Variants in TACC3 observed in about 807,000 individuals in gnomAD.
The protein encoded by TACC3 is transforming acidic coiled-coil-containing protein 3.
TACC3 carries 52 observed loss-of-function variants against 86.0 expected under a neutral mutation model. That is an observed-to-expected ratio of 0.60 (90% CI 0.48 to 0.76). TACC3 has a LOEUF of 0.76. TACC3 is among the 30% of genes least tolerant of loss of function. The pLI is 0.00. For missense variants in TACC3, 1,120 were observed against 1,070.4 expected (o/e 1.05, Z -0.65); for synonymous variants, 512 against 430.0 (o/e 1.19, Z -2.36).
rs140355817 is a variant in TACC3, at chr4:1,737,273, G to A, written c.1781G>A (p.Arg594His). 3.2e-5 allele frequency: 51 copies of A among 1,614,146 alleles called. No individual in the cohort carries two copies. In the East Asian group the frequency reaches 4.9e-4, roughly 16 times the overall value. ...GGTGCAAATGAGACTCCCTCAGGAC[G>A]TCCGCGGGAAGCCAAGCTTGTGGAG... ...MHGANETPSG[R>H]PREAKLVEFD... The change falls in exon 9 of 16, where the codon CGT becomes CAT. Residue 594 changes from arginine to histidine, a missense_variant. Physicochemically the swap from Arg to His is conservative, Grantham distance 29. Coordinates refer to ENST00000313288, the MANE Select transcript of TACC3 (RefSeq NM_006342.3).
chr4:1,739,577 A>C lies in TACC3; in HGVS notation c.1942-125A>C, dbSNP rs528241847. The C allele has an allele frequency of 1.5e-4, 135 of 880,296 alleles. No homozygotes were observed. The African/African-American group carries it at 1.8e-3, about 12-fold the overall frequency. 54.5% of individuals were successfully genotyped at this position (880,296 alleles called of 1,614,324 possible). A position where few individuals can be genotyped will look rare whatever the true frequency, so the allele number is the denominator to read the frequency against. On this transcript the variant is annotated intron_variant, in intron 10 of 15. Coordinates refer to ENST00000313288, the MANE Select transcript of TACC3 (RefSeq NM_006342.3). ...CCCAGGGTCCCACTGGAAGCCCCAC[A>C]TGGAACTGTGCCTCTGGGACATTGC...
At chr4:1,721,703 GC>G (rs1412322093) in intron 1 of TACC3, 60 bp downstream of exon 1, 4 of 149,818 alleles carry the variant, frequency 2.7e-5, no homozygotes, top group Non-Finnish European at 1.5e-5. Context: ...AGGCCGTCCC[GC>G]CCCGCCCCGC....
intron 9 of TACC3, 93 bp downstream of exon 9, chr4:1,737,421 A>AG: frequency 7.4e-7 from 1 of 1,351,200 alleles, no homozygotes; most frequent in Non-Finnish European, 1.0e-6. Flanking sequence ...TGGGGGTCTG[A>AG]GCCTTTGGTT....
Position 1,735,632 on chromosome 4 carries a change from A to T in TACC3, c.1645-99A>T. On this transcript the variant is annotated intron_variant, in intron 7 of 15. Coordinates refer to ENST00000313288, the MANE Select transcript of TACC3 (RefSeq NM_006342.3). The surrounding 1 kb of genome is among the most constrained non-coding windows in gnomAD (Gnocchi z 4.2). ...GACCGGGGGTGGGAGTGTGCGGGTG[A>T]CCGGGGGTGGGAGTGTGCAGGTGAC... 1 of 958,278 alleles carries T rather than the reference A, an allele frequency of 1.0e-6. No homozygotes were observed. The highest frequency in any genetic ancestry group is 1.7e-5 in the Admixed American group (1 of 58,476). The allele number at this position is 958,278 out of a possible 1,614,324, so 59.4% of individuals were successfully genotyped here.
At chr4:1,729,345 AAAAAGACAGAAG>A (rs1252061090) in intron 4 of TACC3, among the ~76,000 whole-genome samples, 1 of 152,136 alleles carries the variant, frequency 6.6e-6, no homozygotes, top group African/African-American at 2.4e-5. Context: ...AAGACACAAG[AAAAAGACAGAAG>A]AAAAGACAGC....
intron 12 of TACC3, 133 bp from the exon 13 acceptor site, chr4:1,740,693 C>A: frequency 2.7e-6 from 2 of 745,096 alleles, no homozygotes; most frequent in Non-Finnish European, 4.5e-6. Flanking sequence ...GACCCATCAC[C>A]CTCCGAGGCT....
At position 1,744,747 on chromosome 4, in the gene TACC3, C is replaced by T. The variant is rs552900404; in HGVS notation, c.2366C>T (p.Ala789Val). The part of the protein sequence containing the change: ...NEEIAQVRSK[A>V]QAEALALQAS... The stretch of plus-strand genomic sequence containing the variant: ...GAGATCGCCCAGGTCCGGAGCAAGG[C>T]CCAGGCGGAAGCGTTGGCCCTCCAG... Residue 789 changes from alanine to valine, a missense_variant, in exon 15 of 16, where the codon GCC (alanine) becomes GTC (valine). Physicochemically the swap from Ala to Val is moderately conservative, Grantham distance 64. Transcript: ENST00000313288. 1 of 1,612,692 alleles carries T rather than the reference C, an allele frequency of 6.2e-7. No individual in the cohort carries two copies. Among genetic ancestry groups the T allele is most frequent in the African/African-American group, 1.3e-5 (1 of 75,054 alleles).
At chr4:1,725,013 C>T (rs962420916) in intron 3 of TACC3, among the ~76,000 whole-genome samples, 1 of 146,096 alleles carries the variant, frequency 6.8e-6, no homozygotes, top group South Asian at 2.2e-4. Flanking sequence ...CTCACCACAA[C>T]CTCCGCCTCC....
At chr4:1,725,445 T>C (rs753570183) in intron 3 of TACC3, among the ~76,000 whole-genome samples, 9 of 152,202 alleles carry the variant, frequency 5.9e-5, no homozygotes, top group Non-Finnish European at 1.0e-4. Context: ...TTCAACTTTG[T>C]TTTTTGCCCC....
intron 10 of TACC3, chr4:1,739,433 GAC>G (rs1718453239): frequency 1.9e-6 from 1 of 539,012 alleles, no homozygotes; most frequent in East Asian, 3.0e-5. Context: ...CAGCTGCAGG[GAC>G]ACACACCTGT....
Position 1,728,686 on chromosome 4 carries a change from G to A in TACC3, c.1284G>A (p.Glu428=), listed in dbSNP as rs1371051201. Residue 428 remains glutamate, a synonymous_variant, in exon 4 of 16, where the codon GAG becomes GAA. Coordinates refer to ENST00000313288, the MANE Select transcript of TACC3 (RefSeq NM_006342.3). ...FGGDTKSGCS[E]AQPPESPETR... is the part of the protein sequence containing the mutation. ...GTGACACCAAGTCTGGTTGCAGTGA[G>A]GCCCAGCCCCCAGAAAGCCCTGAGA... 3 of 1,613,738 alleles carry A rather than the reference G, an allele frequency of 1.9e-6. No individual in the cohort carries two copies. The Admixed American group carries it at 5.0e-5, about 27-fold the overall frequency.
upstream of TACC3, chr4:1,720,836 A>C: frequency 5.7e-6 from 9 of 1,575,682 alleles, no homozygotes; most frequent in Non-Finnish European, 7.7e-6. This position sits in a 1 kb window ranked among gnomAD's most constrained non-coding sequence, Gnocchi z 4.4. Flanking sequence ...GGGGCTGTCC[A>C]TCGCGCAGCC....
chr4:1,742,602 AC>A (rs1486421509), intron 13 of TACC3, among the ~76,000 whole-genome samples: 2 of 152,142 alleles, frequency 1.3e-5, no homozygotes, highest in African/African-American at 4.8e-5. Flanking sequence ...GGAGTTCGAG[AC>A]CAGCCTGGGT....
chr4:1,739,547 G>C (rs1019893161), intron 10 of TACC3, 155 bp from the exon 11 acceptor site: 56 of 693,046 alleles, frequency 8.1e-5, no homozygotes, highest in Non-Finnish European at 1.2e-4. Flanking sequence ...GGCCTCGACA[G>C]GGTTCCCAGG....
chr4:1,744,702 A>T lies in TACC3; in HGVS notation c.2331-10A>T. The T allele has an allele frequency of 1.2e-6, 2 of 1,612,248 alleles. No individual in the cohort carries two copies. The highest frequency in any genetic ancestry group is 1.7e-6 in the Non-Finnish European group (2 of 1,179,824). The stretch of plus-strand genomic sequence containing the variant: ...CCAGCTCAGCCTCTGCCCCGCCCCT[A>T]CCCCTCCAGGGCAAACGAGGAGATC... On this transcript the variant is annotated splice_polypyrimidine_tract_variant and intron_variant, in intron 14 of 15. Coordinates refer to ENST00000313288, the MANE Select transcript of TACC3 (RefSeq NM_006342.3).
intron 9 of TACC3, 79 bp from the exon 10 acceptor site, chr4:1,737,519 G>A: frequency 1.6e-6 from 2 of 1,248,550 alleles, no homozygotes; most frequent in African/African-American, 3.0e-5. Flanking sequence ...GGCCTGTGTG[G>A]GCCTTTCCTC....
chr4:1,738,252 C>G, intron 10 of TACC3: 1 of 259,740 alleles, frequency 3.9e-6, no homozygotes, highest in Non-Finnish European at 7.7e-6. Flanking sequence ...CTACCGTCGC[C>G]AGATGGTCCC....
chr4:1,735,665 G>A lies in TACC3; in HGVS notation c.1645-66G>A. On this transcript the variant is annotated intron_variant, in intron 7 of 15. Coordinates refer to ENST00000313288, the MANE Select transcript of TACC3 (RefSeq NM_006342.3). The surrounding 1 kb of genome is among the most constrained non-coding windows in gnomAD (Gnocchi z 4.2). ...TGGGAGTGTGCAGGTGACCTCCCTG[G>A]CCCTTAGCCCCCGTGTGTGTTAGGG... 1 of 1,252,736 alleles carries A rather than the reference G, an allele frequency of 8.0e-7. No homozygotes were observed. Among genetic ancestry groups the A allele is most frequent in the African/African-American group, 1.7e-5 (1 of 58,874 alleles). 77.6% of individuals were successfully genotyped at this position (1,252,736 alleles called of 1,614,324 possible). A position where few individuals can be genotyped will look rare whatever the true frequency, so the allele number is the denominator to read the frequency against.
intron 12 of TACC3, chr4:1,740,583 A>G (rs1718542265): frequency 8.9e-6 from 4 of 447,080 alleles, no homozygotes; most frequent in Non-Finnish European, 1.6e-5. Context: ...CCGCCTCTTC[A>G]GGGACCTCTG....
Sources: gnomAD v4.1 joint callset for allele counts (sites outside exome capture counted in the v4.1 genomes callset) on GRCh38, gnomAD v4.1.1 for gene constraint, Gnocchi (gnomAD v3.1) non-coding constraint, MANE v1.5 for transcripts, NCBI Gene and HGNC (gene_info 2026-07-23, HGNC 2026-07-21) for gene names.